Variants in ZZZ3 observed in about 807,000 individuals in gnomAD.
The protein encoded by ZZZ3 is ZZ-type zinc finger-containing protein 3.
Under a neutral mutation model 95.2 loss-of-function variants are expected in ZZZ3, and 22 were observed. That is an observed-to-expected ratio of 0.23 (90% CI 0.17 to 0.33). ZZZ3 has a LOEUF of 0.33. Among genes scored for constraint, ZZZ3 ranks in the 10% least tolerant of loss-of-function variants. The pLI is 1.00. For missense variants in ZZZ3, 885 were observed against 1,066.5 expected, an observed-to-expected ratio of 0.83 and a Z score of 2.37; for synonymous variants, 335 against 358.9, an observed-to-expected ratio of 0.93 and a Z score of 0.75.
Position 77,639,510 on chromosome 1 carries a change from G to A in ZZZ3, c.-113C>T. On this transcript the variant is annotated 5_prime_UTR_variant, in exon 4 of 15. Transcript: ENST00000370801. ...TCTCTTTTCCTTATATCCTGAAGGA[G>A]TTGGAGCTATGATCTAGAATGGAGC... 1 of 1,466,604 alleles carries A rather than the reference G, an allele frequency of 6.8e-7. No homozygotes were observed. Among genetic ancestry groups the A allele is most frequent in the Non-Finnish European group, 9.1e-7 (1 of 1,101,568 alleles). 90.8% of individuals were successfully genotyped at this position (1,466,604 alleles called of 1,614,324 possible).
chr1:77,673,323 AG>A (rs1671952652), intron 1 of ZZZ3, among the ~76,000 whole-genome samples: 1 of 152,130 alleles, frequency 6.6e-6, no homozygotes, highest in African/African-American at 2.4e-5. Context: ...ACGGCCAGGC[AG>A]GGTGGCTCAC....
intron 5 of ZZZ3, among the ~76,000 whole-genome samples, chr1:77,602,018 T>A (rs1448382477): frequency 1.3e-5 from 2 of 152,256 alleles, no homozygotes; most frequent in Admixed American, 6.5e-5. Context: ...GGCAGCTTAA[T>A]GAAAGTGAAA....
rs1660645873 is a variant in ZZZ3 at position 77,564,305 on chromosome 1, A to G, written c.*1335T>C. ...TTAGTGTTTCAGCACACACTGAGTA[A>G]AAATCTTTACCATTTTTTACAGGGT... On this transcript the variant is annotated 3_prime_UTR_variant, in exon 15 of 15. Transcript: ENST00000370801. 6.6e-6 allele frequency: 1 copy of G among 152,174 alleles called. No individual in the cohort carries two copies. The highest frequency in any genetic ancestry group is 2.4e-5 in the African/African-American group (1 of 41,454). The allele number at this position is 152,174 out of a possible 1,614,324, so 9.4% of individuals were successfully genotyped here.
rs1415638981 is a variant in ZZZ3, at chr1:77,576,152, T to A, written c.2247A>T (p.Ser749=). 3 of 1,613,396 alleles carry A rather than the reference T, an allele frequency of 1.9e-6. No homozygotes were observed. Among genetic ancestry groups the A allele is most frequent in the African/African-American group, 2.7e-5 (2 of 75,002 alleles). Residue 749 remains serine (S), a synonymous_variant, in exon 12 of 15, where the codon TCA becomes TCT. Transcript: ENST00000370801. ...CATCCATATACACTGGCGGTTCATG[T>A]GAAGTCATGAAAGTGGAAGGCTTAA... is the stretch of plus-strand genomic sequence containing the variant. The part of the protein sequence containing the change: ...HLFKPSTFMT[S]HEPPVYMDED...
intron 5 of ZZZ3, among the ~76,000 whole-genome samples, chr1:77,597,621 TCAAAAACC>T (rs1172508296): frequency 6.6e-6 from 1 of 152,030 alleles, no homozygotes; most frequent in Non-Finnish European, 1.5e-5. Flanking sequence ...TGTTTTCCTT[TCAAAAACC>T]CATAACCCCA....
At position 77,578,784 on chromosome 1, in the gene ZZZ3, T is replaced by A; in HGVS notation, c.2168A>T (p.Tyr723Phe). 6.5e-7 allele frequency: 1 copy of A among 1,527,378 alleles called. No individual in the cohort carries two copies. Among genetic ancestry groups the A allele is most frequent in the Middle Eastern group, 2.1e-4 (1 of 4,770 alleles). The allele number at this position is 1,527,378 out of a possible 1,614,324, so 94.6% of individuals were successfully genotyped here. A position where few individuals can be genotyped will look rare whatever the true frequency, so the allele number is the denominator to read the frequency against. ...TGTATTTTCTTTTACCTTTTTGGAG[T>A]ATATATATAAGTTTGGTGTTCTGCC... ...VPGRTPNLYI[Y>F]SKKSSTSRRQ... The change falls in exon 11 of 15, where the codon TAC (tyrosine) becomes TTC (phenylalanine). Residue 723 changes from tyrosine to phenylalanine, a missense_variant. Transcript: ENST00000370801.
At chr1:77,674,705 G>A (rs1015923398) in intron 1 of ZZZ3, among the ~76,000 whole-genome samples, 20 of 151,932 alleles carry the variant, frequency 1.3e-4, no homozygotes, top group South Asian at 6.2e-4. Flanking sequence ...TAATGTCAGC[G>A]CTTTCGGAGG....
At chr1:77,602,061 G>T (rs141815049) in intron 5 of ZZZ3, among the ~76,000 whole-genome samples, 1 of 152,324 alleles carries the variant, frequency 6.6e-6, no homozygotes, top group African/African-American at 2.4e-5. Flanking sequence ...AAAAAGCTAC[G>T]TAAGAGAAAC....
At chr1:77,580,861 A>G in intron 9 of ZZZ3, 137 bp downstream of exon 9, 1 of 683,470 alleles carries the variant, frequency 1.5e-6, no homozygotes, top group South Asian at 1.9e-5. Flanking sequence ...CCTGACTTCA[A>G]GTGATCCACC....
At chr1:77,615,696 G>A (rs1046864522) in intron 5 of ZZZ3, among the ~76,000 whole-genome samples, 33 of 152,222 alleles carry the variant, frequency 2.2e-4, no homozygotes, top group South Asian at 2.1e-4. Context: ...CCTTTAAAAG[G>A]AACTGCCACC....
intron 11 of ZZZ3, among the ~76,000 whole-genome samples, chr1:77,578,123 A>C (rs182222833): frequency 6.6e-6 from 1 of 152,306 alleles, no homozygotes; most frequent in African/African-American, 2.4e-5. Flanking sequence ...AAGGTTATAG[A>C]ACAGTAGAGT....
At chr1:77,575,796 C>T (rs1661871075) in intron 12 of ZZZ3, among the ~76,000 whole-genome samples, 1 of 152,132 alleles carries the variant, frequency 6.6e-6, no homozygotes, top group Non-Finnish European at 1.5e-5. Flanking sequence ...ATATCTGGGA[C>T]TTGCTCCAAA....
chr1:77,676,546 G>T (rs139811576), intron 1 of ZZZ3, among the ~76,000 whole-genome samples: 1 of 152,114 alleles, frequency 6.6e-6, no homozygotes, highest in Admixed American at 6.6e-5. Context: ...AAATTATGTG[G>T]TATGGAAAAA....
intron 5 of ZZZ3, among the ~76,000 whole-genome samples, chr1:77,591,859 A>G (rs1663729911): frequency 6.6e-6 from 1 of 152,232 alleles, no homozygotes; most frequent in South Asian, 2.1e-4. Flanking sequence ...CAAGATACTA[A>G]GCCCAAAATC....
intron 5 of ZZZ3, among the ~76,000 whole-genome samples, chr1:77,605,571 G>T (rs1246408639): frequency 6.6e-6 from 1 of 152,110 alleles, no homozygotes; most frequent in African/African-American, 2.4e-5. Context: ...AACACAGCTC[G>T]TGACCCCTTT....
Position 77,602,999 on chromosome 1 carries a change from C to T in ZZZ3, c.1506-18344G>A, listed in dbSNP as rs577163086. Reference sequence around the variant, plus strand: ...AATTAGTCAGACCTATGACTCTGAACTTAAATAAAAATTGCCATATCTAGC... The same window carrying T: ...AATTAGTCAGACCTATGACTCTGAATTTAAATAAAAATTGCCATATCTAGC... On this transcript the variant is annotated intron_variant, in intron 5 of 14. Transcript: ENST00000370801. Among the ~76,000 whole-genome samples, 109 of 151,236 alleles carry T rather than the reference C, an allele frequency of 7.2e-4. 2 individuals carry two copies. The Middle Eastern group carries it at 0.027, about 38-fold the overall frequency.
At chr1:77,626,194 T>C (rs775768093) in intron 5 of ZZZ3, among the ~76,000 whole-genome samples, 4 of 152,146 alleles carry the variant, frequency 2.6e-5, no homozygotes, top group Non-Finnish European at 5.9e-5. Flanking sequence ...AAATTACATA[T>C]TTTAGAGCAG....
At chr1:77,650,633 C>T (rs776899705) in intron 1 of ZZZ3, among the ~76,000 whole-genome samples, 1 of 148,102 alleles carries the variant, frequency 6.8e-6, no homozygotes, top group Non-Finnish European at 1.5e-5. Context: ...AAAGGAAGGT[C>T]TCAATGATGT....
chr1:77,577,795 A>T (rs965954714), intron 11 of ZZZ3, among the ~76,000 whole-genome samples: 2 of 152,170 alleles, frequency 1.3e-5, no homozygotes, highest in Admixed American at 1.3e-4. Flanking sequence ...TAATTTTTGT[A>T]TTCTTAGTAG....
Sources: allele counts gnomAD v4.1 joint callset (sites outside exome capture counted in the v4.1 genomes callset), GRCh38; gene constraint gnomAD v4.1.1; transcripts MANE v1.5; gene names NCBI Gene and HGNC (gene_info 2026-07-23, HGNC 2026-07-21).